The following TIPIN variants were observed in gnomAD, a reference collection of about 807,000 sequenced individuals.
The protein encoded by TIPIN is TIMELESS interacting protein.
Under a neutral mutation model 35.6 loss-of-function variants are expected in TIPIN, and 29 were observed. The ratio of observed to expected loss-of-function variants is 0.82; its 90% CI spans 0.61 to 1.11. The LOEUF (loss-of-function observed/expected upper bound fraction) is 1.11, where lower values mean the gene tolerates loss of function less well. Ranked by LOEUF, TIPIN falls within the 50% of genes most tolerant of loss-of-function variation. The probability of loss-of-function intolerance (pLI) is 0.00; values close to 1 mark genes in which losing one functional copy is unlikely to be tolerated. For missense variants in TIPIN, 296 were observed against 345.4 expected (o/e 0.86, Z 1.13); for synonymous variants, 102 against 121.5 (o/e 0.84, Z 1.06).
intron 1 of TIPIN, among the ~76,000 whole-genome samples, chr15:66,368,570 T>C (rs2093266585): frequency 6.6e-6 from 1 of 152,048 alleles, no homozygotes; most frequent in African/African-American, 2.4e-5. Flanking sequence ...TAAACTAAGT[T>C]TGAATGGCAC....
At chr15:66,383,776 T>C (rs574516195) in intron 1 of TIPIN, 126 of 165,330 alleles carry the variant, frequency 7.6e-4, no homozygotes, top group Admixed American at 5.5e-3. Flanking sequence ...AGATCTAATG[T>C]ACAACATGAA....
Position 66,339,131 on chromosome 15 carries a change from C to CAAAAAAAAAAAAAAA in TIPIN, c.683-1965_683-1951dup, listed in dbSNP as rs35065958. ...TGAGCTACAGAGCAAGACTCCATCT[C>CAAAAAAAAAAAAAAA]AAAAAAAAAAAAAAAAAAAAAAAAA... On this transcript the variant is annotated intron_variant, in intron 7 of 7. Coordinates refer to ENST00000261881, the MANE Select transcript of TIPIN (RefSeq NM_017858.3). Among the ~76,000 whole-genome samples, 16 of 20,586 alleles carry CAAAAAAAAAAAAAAA rather than the reference C, an allele frequency of 7.8e-4. 1 individual carries two copies. Among genetic ancestry groups the CAAAAAAAAAAAAAAA allele is most frequent in the Non-Finnish European group, 9.1e-4 (13 of 14,208 alleles). The allele number at this position is 20,586 out of a possible 152,430, so 13.5% of individuals were successfully genotyped here.
At chr15:66,381,428 T>A (rs1335214436) in intron 1 of TIPIN, among the ~76,000 whole-genome samples, 1 of 152,000 alleles carries the variant, frequency 6.6e-6, no homozygotes, top group Non-Finnish European at 1.5e-5. Flanking sequence ...ACAGAGCAAG[T>A]CTCCATCTGG....
intron 6 of TIPIN, among the ~76,000 whole-genome samples, chr15:66,343,597 A>G (rs1414796002): frequency 6.6e-6 from 1 of 152,168 alleles, no homozygotes; most frequent in Admixed American, 6.6e-5. Flanking sequence ...CCTTCCTGAC[A>G]TGGAAAACAA....
intron 1 of TIPIN, chr15:66,366,854 C>T (rs1595813340): frequency 2.0e-6 from 2 of 984,374 alleles, no homozygotes; most frequent in African/African-American, 3.5e-5. Context: ...GTCCAAAATG[C>T]AGGGAGAGAA....
At chr15:66,352,050 A>G in intron 3 of TIPIN, 79 bp downstream of exon 3, 2 of 1,254,718 alleles carry the variant, frequency 1.6e-6, no homozygotes, top group Non-Finnish European at 2.2e-6. Flanking sequence ...CATACCAACC[A>G]AAAGTTTATA....
rs567031087 is a variant in TIPIN at position 66,368,623 on chromosome 15, C to T, written c.-8-15668G>A. 1.2e-4 allele frequency among the ~76,000 whole-genome samples: 18 copies of T among 152,104 alleles called. No individual in the cohort carries two copies. In the South Asian group the frequency reaches 3.7e-3, roughly 32 times the overall value. ...TGTGTTAGGCCCCAAATCCATAGAACTCAAAAGAAGTATGGATTATGATAT... is the reference window on the plus strand; with the variant it reads ...TGTGTTAGGCCCCAAATCCATAGAATTCAAAAGAAGTATGGATTATGATAT... On this transcript the variant is annotated intron_variant, in intron 1 of 7. Coordinates refer to the TIPIN transcript ENST00000562124.
intron 1 of TIPIN, among the ~76,000 whole-genome samples, chr15:66,369,674 C>T (rs1392145833): frequency 6.6e-6 from 1 of 152,192 alleles, no homozygotes; most frequent in Non-Finnish European, 1.5e-5. Context: ...TATACACGAA[C>T]TCATGACTAT....
At chr15:66,376,083 C>G (rs1392159035) in intron 1 of TIPIN, among the ~76,000 whole-genome samples, 1 of 152,076 alleles carries the variant, frequency 6.6e-6, no homozygotes, top group Middle Eastern at 3.2e-3. Context: ...TGGAGTGAGG[C>G]CTTGTCCCAA....
rs2093051529 is a variant in TIPIN at position 66,337,307 on chromosome 15, A to G, written c.683-126T>C. ...CTAAGATCACTTAATGTTAATTATG[A>G]TCACTTTCTTCTAAATATATCTTTT... On this transcript the variant is annotated intron_variant, in intron 7 of 7. Coordinates refer to ENST00000261881, the MANE Select transcript of TIPIN (RefSeq NM_017858.3). 6.6e-6 allele frequency: 4 copies of G among 603,128 alleles called. No individual in the cohort carries two copies. The Admixed American group carries it at 1.0e-4, about 15-fold the overall frequency. 37.4% of individuals were successfully genotyped at this position (603,128 alleles called of 1,614,324 possible).
chr15:66,344,499 C>T (rs1003227695), intron 6 of TIPIN, among the ~76,000 whole-genome samples: 1 of 151,902 alleles, frequency 6.6e-6, no homozygotes, highest in Non-Finnish European at 1.5e-5. Flanking sequence ...AGTAAATGAC[C>T]TATTTATATA....
At position 66,345,238 on chromosome 15, in the gene TIPIN, C is replaced by T. The variant is rs1028635102; in HGVS notation, c.475+3822G>A. ...AGGGAAGAGTGTTCCAGGCAGAGTACGGCAATACAAAAGCCTTAGAATAAA... is the reference window on the plus strand; with the variant it reads ...AGGGAAGAGTGTTCCAGGCAGAGTATGGCAATACAAAAGCCTTAGAATAAA... On this transcript the variant is annotated intron_variant, in intron 6 of 7. Transcript: ENST00000261881. Among the ~76,000 whole-genome samples the T allele has an allele frequency of 3.3e-5, 5 of 151,868 alleles. No individual in the cohort carries two copies. In the East Asian group the frequency reaches 5.8e-4, roughly 18 times the overall value.
intron 1 of TIPIN, among the ~76,000 whole-genome samples, chr15:66,383,909 T>C (rs1245759202): frequency 2.0e-5 from 3 of 152,222 alleles, no homozygotes; most frequent in African/African-American, 7.2e-5. Context: ...CACTTCACTA[T>C]AGTAACCATT....
rs764111134 is a variant in TIPIN at position 66,337,327 on chromosome 15, T to TA, written c.683-147_683-146insT. ...TTATGATCACTTTCTTCTAAATATA[T>TA]CTTTTTTTTTTTTTTTGAGATGGAG... On this transcript the variant is annotated intron_variant, in intron 7 of 7. Coordinates refer to ENST00000261881, the MANE Select transcript of TIPIN (RefSeq NM_017858.3). 9.4e-3 allele frequency: 4,382 copies of TA among 465,492 alleles called. 11 individuals are homozygous for TA. Among genetic ancestry groups the TA allele is most frequent in the Middle Eastern group, 0.012 (20 of 1,642 alleles). The allele number at this position is 465,492 out of a possible 1,614,324, so 28.8% of individuals were successfully genotyped here. A position where few individuals can be genotyped will look rare whatever the true frequency, so the allele number is the denominator to read the frequency against.
rs111850432 is a variant in TIPIN at position 66,378,605 on chromosome 15, A to G, written c.-9+8002T>C. Among the ~76,000 whole-genome samples the G allele has an allele frequency of 2.7e-3, 404 of 151,866 alleles. 2 individuals are homozygous for G. The highest frequency in any genetic ancestry group is 9.3e-3 in the African/African-American group (384 of 41,458). On this transcript the variant is annotated intron_variant, in intron 1 of 7. Transcript: ENST00000562124. ...GTTAATTTTATTAATCTTTGCCTTT[A>G]TGGTTTTGACAGTTTGTGTCTTTCT...
At chr15:66,359,141 G>C (rs2093220108), upstream of TIPIN, among the ~76,000 whole-genome samples, 1 of 147,258 alleles carries the variant, frequency 6.8e-6, no homozygotes, top group Non-Finnish European at 1.5e-5. Context: ...AACAGAGTGA[G>C]ACCCTGTCTC....
At chr15:66,379,783 G>T in intron 1 of TIPIN, 1 of 1,602,320 alleles carries the variant, frequency 6.2e-7, no homozygotes. Context: ...AGAAGACTGA[G>T]TTCTACATTG....
At chr15:66,373,232 G>T (rs1259067735) in intron 1 of TIPIN, among the ~76,000 whole-genome samples, 9 of 152,126 alleles carry the variant, frequency 5.9e-5, no homozygotes, top group African/African-American at 2.2e-4. Flanking sequence ...AGTGGCTCAC[G>T]CCTGTAATCC....
intron 6 of TIPIN, among the ~76,000 whole-genome samples, chr15:66,346,343 T>G (rs924527772): frequency 5.9e-5 from 9 of 151,678 alleles, no homozygotes; most frequent in African/African-American, 1.2e-4. Flanking sequence ...GCTCCCCCAT[T>G]CAAAATCACC....
Sources: gnomAD v4.1 joint callset for allele counts (sites outside exome capture counted in the v4.1 genomes callset) on GRCh38, gnomAD v4.1.1 for gene constraint, MANE v1.5 for transcripts, NCBI Gene and HGNC (gene_info 2026-07-23, HGNC 2026-07-21) for gene names.